Variants in FOCAD observed in about 807,000 individuals in gnomAD.
The protein encoded by FOCAD is KIAA1797.
In FOCAD, 198 loss-of-function variants were observed where a neutral mutation model predicts 225.6. The ratio of observed to expected loss-of-function variants is 0.88; its 90% CI spans 0.78 to 0.99. The LOEUF (loss-of-function observed/expected upper bound fraction) is 0.99, where lower values mean the gene tolerates loss of function less well. Ranked by LOEUF, FOCAD falls within the 50% of genes least tolerant of loss-of-function variation. FOCAD has a pLI of 0.00. For synonymous variants in FOCAD, 897 were observed against 755.0 expected (o/e 1.19, Z -3.08); for missense variants, 2,713 against 2,123.6 (o/e 1.28, Z -5.46).
intron 11 of FOCAD, among the ~76,000 whole-genome samples, chr9:20,809,681 A>G (rs990826202): frequency 6.6e-6 from 1 of 152,144 alleles, no homozygotes; most frequent in African/African-American, 2.4e-5. Flanking sequence ...AGTTGAGTTC[A>G]AGTTATTCAG....
intron 19 of FOCAD, among the ~76,000 whole-genome samples, chr9:20,878,283 G>A (rs1293620170): frequency 6.6e-6 from 1 of 152,176 alleles, no homozygotes; most frequent in African/African-American, 2.4e-5. Flanking sequence ...TAATTTGGCA[G>A]GGGAGATTTC....
chr9:20,664,765 CA>C (rs1821846500), intron 2 of FOCAD, among the ~76,000 whole-genome samples: 1 of 151,778 alleles, frequency 6.6e-6, no homozygotes, highest in Non-Finnish European at 1.5e-5. Context: ...AGGCGTGAGC[CA>C]TTGTGCCCGG....
At chr9:20,741,120 A>T (rs1459091168) in intron 5 of FOCAD, among the ~76,000 whole-genome samples, 1 of 152,188 alleles carries the variant, frequency 6.6e-6, no homozygotes, top group Non-Finnish European at 1.5e-5. Context: ...AAGGGCATTG[A>T]TTCATGTGGG....
chr9:20,870,255 G>T (rs1829644954), intron 18 of FOCAD, among the ~76,000 whole-genome samples: 1 of 152,166 alleles, frequency 6.6e-6, no homozygotes, highest in South Asian at 2.1e-4. Flanking sequence ...GTTTGGCTTT[G>T]ATTTAAAGTG....
chr9:20,911,413 A>G (rs1213848321), intron 22 of FOCAD, among the ~76,000 whole-genome samples: 2 of 152,150 alleles, frequency 1.3e-5, no homozygotes, highest in African/African-American at 2.4e-5. Context: ...AGCAACTTTG[A>G]GAAGTACAAG....
chr9:20,969,552 A>G (rs1839576060), intron 35 of FOCAD, among the ~76,000 whole-genome samples: 1 of 152,032 alleles, frequency 6.6e-6, no homozygotes, highest in Non-Finnish European at 1.5e-5. Context: ...TTCTGCTCTT[A>G]TAAAGTTCTA....
chr9:20,671,480 C>T (rs979002824), intron 2 of FOCAD, among the ~76,000 whole-genome samples: 3 of 152,068 alleles, frequency 2.0e-5, no homozygotes, highest in African/African-American at 7.2e-5. Context: ...TTTGAGCAGC[C>T]AGATTCAAAT....
chr9:20,941,175 A>C (rs1255962562), intron 28 of FOCAD, among the ~76,000 whole-genome samples: 1 of 152,092 alleles, frequency 6.6e-6, no homozygotes, highest in African/African-American at 2.4e-5. Context: ...CAAATTCACC[A>C]TGCTTCCCGA....
At chr9:20,762,647 G>A (rs562143190) in intron 6 of FOCAD, among the ~76,000 whole-genome samples, 21 of 152,216 alleles carry the variant, frequency 1.4e-4, no homozygotes, top group African/African-American at 2.6e-4. Flanking sequence ...GTTGTCAAGT[G>A]TTATTTATTT....
intron 24 of FOCAD, among the ~76,000 whole-genome samples, chr9:20,923,006 G>C (rs1283746472): frequency 6.6e-6 from 1 of 152,206 alleles, no homozygotes; most frequent in Non-Finnish European, 1.5e-5. Context: ...CCATTTAGAT[G>C]ATGTAAAAAG....
rs1832209383 is a variant in FOCAD, at chr9:20,897,658, C to T, written c.2626-9492C>T. On this transcript the variant is annotated intron_variant, in intron 21 of 43. Transcript: ENST00000338382. The stretch of plus-strand genomic sequence containing the variant: ...AAATACTTTATAATAACAAATAATC[C>T]TAATTTTTTTCTCTCATTCCTTGTA... 2.0e-5 allele frequency among the ~76,000 whole-genome samples: 3 copies of T among 151,596 alleles called. No individual in the cohort carries two copies. In the South Asian group the frequency reaches 6.2e-4, roughly 31 times the overall value.
At chr9:20,767,464 C>T (rs1292906478) in intron 7 of FOCAD, among the ~76,000 whole-genome samples, 107 of 150,314 alleles carry the variant, frequency 7.1e-4, no homozygotes, top group Non-Finnish European at 1.3e-3. Context: ...GTTCCTATTT[C>T]TCCACGTCCT....
At chr9:20,971,407 A>G (rs1587750290) in intron 35 of FOCAD, among the ~76,000 whole-genome samples, 1 of 152,058 alleles carries the variant, frequency 6.6e-6, no homozygotes, top group African/African-American at 2.4e-5. Flanking sequence ...TAAGTACACA[A>G]TGTAAAATTT....
chr9:20,821,230 G>A (rs1236746639), intron 14 of FOCAD, among the ~76,000 whole-genome samples, 159 bp downstream of exon 14: 1 of 151,944 alleles, frequency 6.6e-6, no homozygotes, highest in Non-Finnish European at 1.5e-5. Context: ...TAATAATATT[G>A]AACAATAGCT....
intron 31 of FOCAD, 51 bp from the exon 32 acceptor site, chr9:20,948,799 CT>C: frequency 6.3e-7 from 1 of 1,588,626 alleles, no homozygotes; most frequent in African/African-American, 1.3e-5. Context: ...TTTATAGAAT[CT>C]AAACCCAAGG....
chr9:20,912,735 T>G, intron 22 of FOCAD, 131 bp from the exon 23 acceptor site: 1 of 637,894 alleles, frequency 1.6e-6, no homozygotes, highest in Non-Finnish European at 2.8e-6. Context: ...CACATCCTCT[T>G]TCATAATCTA....
intron 5 of FOCAD, among the ~76,000 whole-genome samples, chr9:20,750,368 AATC>A (rs1563942632): frequency 6.6e-6 from 1 of 152,214 alleles, no homozygotes; most frequent in African/African-American, 2.4e-5. Context: ...TCTTGATGAT[AATC>A]ATAATTGTAC....
intron 5 of FOCAD, among the ~76,000 whole-genome samples, chr9:20,740,774 G>T (rs1432186581): frequency 6.6e-6 from 1 of 152,196 alleles, no homozygotes; most frequent in South Asian, 2.1e-4. Context: ...AAGGTCAGTA[G>T]TTAGGAGTGT....
chr9:20,706,108 A>G (rs1021603238), intron 1 of FOCAD, among the ~76,000 whole-genome samples: 9 of 151,224 alleles, frequency 6.0e-5, no homozygotes, highest in Non-Finnish European at 1.5e-5. Flanking sequence ...CTAATTTTTA[A>G]ACTTTTTGTA....
Sources: gnomAD v4.1 joint callset for allele counts (sites outside exome capture counted in the v4.1 genomes callset) on GRCh38, gnomAD v4.1.1 for gene constraint, MANE v1.5 for transcripts, NCBI Gene and HGNC (gene_info 2026-07-23, HGNC 2026-07-21) for gene names.